Variants in ADAMTSL1 observed in about 807,000 individuals in gnomAD.
The protein encoded by ADAMTSL1 is ADAMTS-like protein 1.
Under a neutral mutation model 201.8 loss-of-function variants are expected in ADAMTSL1, and 126 were observed. The observed-to-expected ratio is 0.62, with a 90% CI of 0.54 to 0.72. The LOEUF (loss-of-function observed/expected upper bound fraction) is 0.72, where lower values mean the gene tolerates loss of function less well. Ranked by LOEUF, ADAMTSL1 falls within the 30% of genes least tolerant of loss-of-function variation. The pLI is 0.00. For missense variants in ADAMTSL1, 2,679 were observed against 2,277.8 expected (o/e 1.18, Z -3.59); for synonymous variants, 1,121 against 903.4 (o/e 1.24, Z -4.32).
intron 15 of ADAMTSL1, among the ~76,000 whole-genome samples, chr9:18,730,879 T>C (rs1017158069): frequency 1.2e-4 from 19 of 152,218 alleles, no homozygotes; most frequent in African/African-American, 4.6e-4. Flanking sequence ...ACAGACACCT[T>C]TTCGGCTGCC....
intron 1 of ADAMTSL1, among the ~76,000 whole-genome samples, chr9:18,128,486 C>T (rs11793338): frequency 0.14 from 21,321 of 152,068 alleles, 1,733 homozygotes; most frequent in East Asian, 0.21. Context: ...CCTCAGTCTA[C>T]CGAGTAGCTG....
At chr9:18,526,934 A>T (rs928900521) in intron 2 of ADAMTSL1, among the ~76,000 whole-genome samples, 1 of 152,146 alleles carries the variant, frequency 6.6e-6, no homozygotes, top group Non-Finnish European at 1.5e-5. Flanking sequence ...ACATGGCTTT[A>T]TGTCTTTTCT....
At chr9:18,019,392 C>T in intron 1 of ADAMTSL1, among the ~76,000 whole-genome samples, 1 of 152,096 alleles carries the variant, frequency 6.6e-6, no homozygotes. Context: ...ATTTAGAGTA[C>T]TGTCAGAAAA....
At chr9:17,921,402 C>T (rs991374735) in intron 1 of ADAMTSL1, among the ~76,000 whole-genome samples, 1 of 152,084 alleles carries the variant, frequency 6.6e-6, no homozygotes, top group African/African-American at 2.4e-5. Flanking sequence ...TTCCATATTC[C>T]AAAAATTTAT....
At chr9:18,636,775 A>T (rs1050631331) in intron 6 of ADAMTSL1, among the ~76,000 whole-genome samples, 2 of 152,122 alleles carry the variant, frequency 1.3e-5, no homozygotes, top group African/African-American at 4.8e-5. Context: ...ATGGGAGGGG[A>T]TATGGTAGCA....
intron 9 of ADAMTSL1, among the ~76,000 whole-genome samples, chr9:18,669,644 A>G (rs975503122): frequency 1.3e-5 from 2 of 152,206 alleles, no homozygotes; most frequent in Non-Finnish European, 2.9e-5. Flanking sequence ...TTAAGAAGTC[A>G]TGAAGTGTCA....
chr9:18,019,298 G>A (rs1586903641), intron 1 of ADAMTSL1, among the ~76,000 whole-genome samples: 1 of 152,140 alleles, frequency 6.6e-6, no homozygotes, highest in East Asian at 1.9e-4. Flanking sequence ...AAAGGAGTCA[G>A]GACTTGGTTG....
At chr9:18,567,431 A>C (rs901982161) in intron 3 of ADAMTSL1, among the ~76,000 whole-genome samples, 1 of 152,154 alleles carries the variant, frequency 6.6e-6, no homozygotes, top group Non-Finnish European at 1.5e-5. Flanking sequence ...ATGCCACTGC[A>C]CTCCAGCCTG....
intron 2 of ADAMTSL1, among the ~76,000 whole-genome samples, chr9:18,359,120 A>G (rs1414911436): frequency 6.6e-6 from 1 of 152,236 alleles, no homozygotes; most frequent in Non-Finnish European, 1.5e-5. Flanking sequence ...ATGCAATTAT[A>G]TAACATACAG....
intron 2 of ADAMTSL1, among the ~76,000 whole-genome samples, chr9:18,285,898 G>GT (rs1278418609): frequency 2.0e-5 from 3 of 152,048 alleles, no homozygotes; most frequent in Non-Finnish European, 4.4e-5. Context: ...AATTGACTGG[G>GT]TTTTTTAGCA....
intron 1 of ADAMTSL1, among the ~76,000 whole-genome samples, chr9:18,083,590 A>T (rs987425259): frequency 6.6e-6 from 1 of 152,230 alleles, no homozygotes; most frequent in African/African-American, 2.4e-5. Context: ...ATCTCAGGGC[A>T]CTTAAGAGTT....
chr9:18,285,710 TTC>T (rs1832966677), intron 2 of ADAMTSL1, among the ~76,000 whole-genome samples: 1 of 152,176 alleles, frequency 6.6e-6, no homozygotes. Context: ...AATGGTTTAA[TTC>T]TTACTGTAGT....
At chr9:18,271,539 T>G (rs1385402568) in intron 2 of ADAMTSL1, among the ~76,000 whole-genome samples, 1 of 152,180 alleles carries the variant, frequency 6.6e-6, no homozygotes, top group Admixed American at 6.5e-5. Context: ...TATTCCATGG[T>G]GTATATGTGC....
chr9:18,371,126 T>C (rs1837025616), intron 2 of ADAMTSL1, among the ~76,000 whole-genome samples: 3 of 152,204 alleles, frequency 2.0e-5, no homozygotes, highest in Admixed American at 6.5e-5. Context: ...TGGATTCAGA[T>C]AGAATAAGTC....
chr9:18,181,898 C>A (rs1462168274), intron 2 of ADAMTSL1, among the ~76,000 whole-genome samples: 7 of 152,058 alleles, frequency 4.6e-5, no homozygotes, highest in Admixed American at 3.9e-4. Context: ...AAATGTCCAA[C>A]AAAGATAGAC....
At chr9:18,091,639 T>C (rs1824022028) in intron 1 of ADAMTSL1, among the ~76,000 whole-genome samples, 1 of 152,192 alleles carries the variant, frequency 6.6e-6, no homozygotes, top group South Asian at 2.1e-4. Flanking sequence ...CTTGTCCATG[T>C]CACTTAATTT....
At chr9:18,277,967 A>G (rs1832648592) in intron 2 of ADAMTSL1, among the ~76,000 whole-genome samples, 1 of 152,038 alleles carries the variant, frequency 6.6e-6, no homozygotes, top group African/African-American at 2.4e-5. Context: ...CTGTGTCATT[A>G]TCGTGAAGCT....
chr9:18,165,191 A>G (rs774737076), intron 2 of ADAMTSL1, among the ~76,000 whole-genome samples: 1 of 151,902 alleles, frequency 6.6e-6, no homozygotes, highest in Non-Finnish European at 1.5e-5. Context: ...TCTTGCAATT[A>G]TATCTTAATT....
intron 2 of ADAMTSL1, among the ~76,000 whole-genome samples, chr9:18,404,346 G>C (rs996477242): frequency 2.6e-5 from 4 of 152,080 alleles, no homozygotes; most frequent in Non-Finnish European, 5.9e-5. Flanking sequence ...CATGGCAGTT[G>C]GTCATCATGA....
Sources: allele counts gnomAD v4.1 joint callset (sites outside exome capture counted in the v4.1 genomes callset), GRCh38; gene constraint gnomAD v4.1.1; transcripts MANE v1.5; gene names NCBI Gene and HGNC (gene_info 2026-07-23, HGNC 2026-07-21).